AGO3: variants seen among roughly 807,000 people sequenced by gnomAD.
The protein encoded by AGO3 is protein argonaute-3.
A neutral mutation model predicts 105.5 loss-of-function variants in AGO3; 16 were observed. The observed-to-expected ratio is 0.15, with a 90% confidence interval of 0.10 to 0.23. The LOEUF is 0.23. Ranked by LOEUF, AGO3 falls within the 10% of genes least tolerant of loss-of-function variation. The probability of loss-of-function intolerance (pLI) is 1.00; values close to 1 mark genes in which losing one functional copy is unlikely to be tolerated. For synonymous variants in AGO3, 340 were observed against 367.3 expected (o/e 0.93, Z 0.85); for missense variants, 534 against 1,088.0 (o/e 0.49, Z 7.16).
rs138153778 is a variant in AGO3, at chr1:35,991,535, T to TTATA, written c.659-12791_659-12788dup. On this transcript the variant is annotated intron_variant, in intron 5 of 18. Transcript: ENST00000373191. Reference sequence around the variant, plus strand: ...GAATAGGGTACCTGGGGAGCAAATTTTATATATATATATATATAAAATATA... The same window carrying TTATA: ...GAATAGGGTACCTGGGGAGCAAATTTTATATATATATATATATATATAAAATATA... 7.3e-3 allele frequency among the ~76,000 whole-genome samples: 1,060 copies of TTATA among 145,746 alleles called. 18 individuals carry two copies. Among genetic ancestry groups the TTATA allele is most frequent in the African/African-American group, 0.025 (980 of 39,920 alleles).
chr1:36,012,743 A>G (rs1168363260), intron 9 of AGO3, among the ~76,000 whole-genome samples: 1 of 152,068 alleles, frequency 6.6e-6, no homozygotes, highest in African/African-American at 2.4e-5. Context: ...TCTCCATCCA[A>G]AAGCATATTA....
At position 36,065,683 on chromosome 1, in the gene AGO3, G is replaced by C. The variant is rs1315818264; in HGVS notation, c.*9938G>C. 1 of 152,218 alleles carries C rather than the reference G, an allele frequency of 6.6e-6. No individual in the cohort carries two copies. Among genetic ancestry groups the C allele is most frequent in the Non-Finnish European group, 1.5e-5 (1 of 68,110 alleles). The allele number at this position is 152,218 out of a possible 1,614,324, so 9.4% of individuals were successfully genotyped here. A position where few individuals can be genotyped will look rare whatever the true frequency, so the allele number is the denominator to read the frequency against. On this transcript the variant is annotated 3_prime_UTR_variant, in exon 19 of 19. Coordinates refer to ENST00000373191, the MANE Select transcript of AGO3 (RefSeq NM_024852.4). ...TCCTTCTGAAAGTTCATAGAAACCTGGCATATAGAGCTTATTTTGCTGTTT... is the reference window on the plus strand; with the variant it reads ...TCCTTCTGAAAGTTCATAGAAACCTCGCATATAGAGCTTATTTTGCTGTTT...
chr1:36,041,387 G>A lies in AGO3; in HGVS notation c.2172+946G>A, dbSNP rs1020691548. Among the ~76,000 whole-genome samples the A allele has an allele frequency of 1.4e-4, 21 of 151,596 alleles. No individual in the cohort carries two copies. The East Asian group carries it at 1.8e-3, about 13-fold the overall frequency. On this transcript the variant is annotated intron_variant, in intron 16 of 18. Coordinates refer to ENST00000373191, the MANE Select transcript of AGO3 (RefSeq NM_024852.4). ...CTCCTGAGTAGCTGGGACTACAGGC[G>A]CCTGCCACCATGCCCGGCTAATTTT...
At chr1:36,010,793 C>T (rs571155226) in intron 9 of AGO3, among the ~76,000 whole-genome samples, 104 of 151,720 alleles carry the variant, frequency 6.9e-4, no homozygotes, top group Admixed American at 1.1e-3. Context: ...ATAATCCCAG[C>T]TACTCAGGAG....
intron 2 of AGO3, among the ~76,000 whole-genome samples, chr1:35,965,445 G>A (rs186773414): frequency 1.1e-3 from 163 of 142,714 alleles, no homozygotes; most frequent in African/African-American, 3.9e-3. Context: ...AGCCGAGATC[G>A]CACCACTGCA....
chr1:35,972,480 T>A (rs1018639478), intron 4 of AGO3, among the ~76,000 whole-genome samples: 1 of 152,238 alleles, frequency 6.6e-6, no homozygotes, highest in African/African-American at 2.4e-5. Context: ...TATCTCACCC[T>A]TTCTCTTAGG....
intron 11 of AGO3, among the ~76,000 whole-genome samples, chr1:36,015,881 ATTAAAT>A: frequency 6.6e-6 from 1 of 152,238 alleles, no homozygotes. Flanking sequence ...CTTCAGACAA[ATTAAAT>A]TTAACAGAGT....
intron 2 of AGO3, among the ~76,000 whole-genome samples, chr1:35,954,037 A>G (rs1210727536): frequency 1.3e-5 from 2 of 152,170 alleles, no homozygotes; most frequent in Admixed American, 6.5e-5. Context: ...TTGTTGTCAT[A>G]TCTATAGAAG....
chr1:35,935,896 G>C (rs1225184278), intron 1 of AGO3, among the ~76,000 whole-genome samples: 1 of 152,140 alleles, frequency 6.6e-6, no homozygotes, highest in African/African-American at 2.4e-5. Context: ...AGTTTTTGTT[G>C]TTGCTAATGG....
rs1557724356 is a variant in AGO3 at position 36,070,611 on chromosome 1, T to G, written c.*14866T>G. On this transcript the variant is annotated 3_prime_UTR_variant, in exon 19 of 19. Transcript: ENST00000373191. Reference sequence around the variant, plus strand: ...GTATGGACGCATTCAACATTTACTTTTATCTCCACAGATGCCAACCTCCCC... The same window carrying G: ...GTATGGACGCATTCAACATTTACTTGTATCTCCACAGATGCCAACCTCCCC... 1 of 152,206 alleles carries G rather than the reference T, an allele frequency of 6.6e-6. No homozygotes were observed. The highest frequency in any genetic ancestry group is 1.5e-5 in the Non-Finnish European group (1 of 68,040). 9.4% of individuals were successfully genotyped at this position (152,206 alleles called of 1,614,324 possible).
rs1643031315 is a variant in AGO3 at position 36,061,911 on chromosome 1, A to G, written c.*6166A>G. On this transcript the variant is annotated 3_prime_UTR_variant, in exon 19 of 19. Transcript: ENST00000373191. Reference sequence around the variant, plus strand: ...TAGTTGTTGTCTTGAATCTCGTCCAAGGGAACCAAGGAAAGCTTTTATGCA... The same window carrying G: ...TAGTTGTTGTCTTGAATCTCGTCCAGGGGAACCAAGGAAAGCTTTTATGCA... The G allele has an allele frequency of 1.3e-5, 2 of 152,202 alleles. No individual in the cohort carries two copies. Among genetic ancestry groups the G allele is most frequent in the African/African-American group, 4.8e-5 (2 of 41,448 alleles). The allele number at this position is 152,202 out of a possible 1,614,324, so 9.4% of individuals were successfully genotyped here.
chr1:35,946,958 A>ATG, intron 2 of AGO3, among the ~76,000 whole-genome samples: 1 of 152,168 alleles, frequency 6.6e-6, no homozygotes, highest in Non-Finnish European at 1.5e-5. Flanking sequence ...TCAAGAACAC[A>ATG]TGTTTCAAGT....
chr1:36,003,709 A>AAAAAAT (rs1295618675), intron 5 of AGO3, among the ~76,000 whole-genome samples: 1,047 of 99,352 alleles, frequency 0.011, 15 homozygotes, highest in Non-Finnish European at 0.017. Context: ...AAAAAAAAAA[A>AAAAAAT]ATATATATAT....
At chr1:35,977,071 T>G (rs1646967525) in intron 5 of AGO3, among the ~76,000 whole-genome samples, 1 of 151,758 alleles carries the variant, frequency 6.6e-6, no homozygotes, top group South Asian at 2.1e-4. Context: ...AGTCTAATAA[T>G]TTATCGTACA....
chr1:35,982,041 G>A (rs1647062710), intron 5 of AGO3, among the ~76,000 whole-genome samples: 1 of 152,230 alleles, frequency 6.6e-6, no homozygotes, highest in South Asian at 2.1e-4. Flanking sequence ...TTGTTGCTCT[G>A]TACAGGTTCT....
Position 36,008,566 on chromosome 1 carries a change from T to C in AGO3, c.794-124T>C. On this transcript the variant is annotated intron_variant, in intron 6 of 18. Coordinates refer to ENST00000373191, the MANE Select transcript of AGO3 (RefSeq NM_024852.4). The surrounding 1 kb of genome is among the most constrained non-coding windows in gnomAD (Gnocchi z 5.1). ...GTAAAATCTGGTGTTTATATCATCT[T>C]GCCTGTATCACAGAATTTTTTGTCT... 1.2e-6 allele frequency: 1 copy of C among 810,272 alleles called. No homozygotes were observed. Among genetic ancestry groups the C allele is most frequent in the African/African-American group, 1.7e-5 (1 of 57,340 alleles). 50.2% of individuals were successfully genotyped at this position (810,272 alleles called of 1,614,324 possible).
rs1643000013 is a variant in AGO3, at chr1:36,059,542, T to C, written c.*3797T>C. On this transcript the variant is annotated 3_prime_UTR_variant, in exon 19 of 19. Coordinates refer to ENST00000373191, the MANE Select transcript of AGO3 (RefSeq NM_024852.4). Reference sequence around the variant, plus strand: ...ATCTTACGAGACTGACTGTAAAATATCAGTCTGGCAACTAGATAATTGATT... The same window carrying C: ...ATCTTACGAGACTGACTGTAAAATACCAGTCTGGCAACTAGATAATTGATT... 1.3e-5 allele frequency: 2 copies of C among 150,898 alleles called. No individual in the cohort carries two copies. 9.3% of individuals were successfully genotyped at this position (150,898 alleles called of 1,614,324 possible). A position where few individuals can be genotyped will look rare whatever the true frequency, so the allele number is the denominator to read the frequency against.
chr1:36,023,306 C>T (rs1405088385), intron 11 of AGO3, among the ~76,000 whole-genome samples: 3 of 152,218 alleles, frequency 2.0e-5, no homozygotes, highest in Non-Finnish European at 4.4e-5. Flanking sequence ...TACCATGCTT[C>T]GTCACTCAGT....
At chr1:35,999,943 T>G (rs1293572937) in intron 5 of AGO3, among the ~76,000 whole-genome samples, 1 of 152,108 alleles carries the variant, frequency 6.6e-6, no homozygotes, top group African/African-American at 2.4e-5. Context: ...TCTGCCAGGT[T>G]GTAATACCAT....
Sources: allele counts gnomAD v4.1 joint callset (sites outside exome capture counted in the v4.1 genomes callset), GRCh38; gene constraint gnomAD v4.1.1; non-coding constraint Gnocchi (gnomAD v3.1); transcripts MANE v1.5; gene names NCBI Gene and HGNC (gene_info 2026-07-23, HGNC 2026-07-21).